The following ABHD10 variants were observed in gnomAD, a reference collection of about 807,000 sequenced individuals.
ABHD10 encodes abhydrolase domain containing 10, depalmitoylase.
ABHD10 carries 22 observed loss-of-function variants against 33.1 expected under a neutral mutation model. The observed-to-expected ratio is 0.66, with a 90% CI of 0.47 to 0.95. ABHD10 has a LOEUF of 0.95. ABHD10 is among the 40% of genes least tolerant of loss of function. ABHD10 has a pLI of 0.00. For synonymous variants in ABHD10, 146 were observed against 133.9 expected (o/e 1.09, Z -0.62); for missense variants, 352 against 379.9 (o/e 0.93, Z 0.61).
chr3:111,980,844 A>G (rs1470961991), intron 1 of ABHD10, among the ~76,000 whole-genome samples: 3 of 152,194 alleles, frequency 2.0e-5, no homozygotes, highest in African/African-American at 7.2e-5. Context: ...ACCTCAGCTG[A>G]CAATAAAATT....
At chr3:111,988,588 G>GT (rs1331723884) in intron 4 of ABHD10, among the ~76,000 whole-genome samples, 1 of 151,628 alleles carries the variant, frequency 6.6e-6, no homozygotes, top group Non-Finnish European at 1.5e-5. Context: ...ATTTGTTTTG[G>GT]TTTTGTTTTT....
Position 111,979,126 on chromosome 3 carries a change from C to A in ABHD10, c.65C>A (p.Ala22Asp). 2 of 1,613,268 alleles carry A rather than the reference C, an allele frequency of 1.2e-6. No individual in the cohort carries two copies. Among genetic ancestry groups the A allele is most frequent in the Non-Finnish European group, 8.5e-7 (1 of 1,179,834 alleles). Residue 22 changes from alanine to aspartate, a missense_variant, in exon 1 of 5, where the codon GCC becomes GAC. By Grantham distance (126) the Ala-to-Asp change is moderately radical. Coordinates refer to ENST00000273359, the MANE Select transcript of ABHD10 (RefSeq NM_018394.4). ...CCTTGTCGGAGCTGGGGCTGGGCAGCCGTCCCCTTCGGTCCCCACCGTGGC... is the reference window on the plus strand; with the variant it reads ...CCTTGTCGGAGCTGGGGCTGGGCAGACGTCCCCTTCGGTCCCCACCGTGGC... The part of the protein sequence containing the change: ...WVPCRSWGWA[A>D]VPFGPHRGLS...
intron 1 of ABHD10, among the ~76,000 whole-genome samples, chr3:111,981,082 T>G (rs1045010462): frequency 8.6e-5 from 13 of 150,368 alleles, no homozygotes; most frequent in African/African-American, 2.9e-4. Context: ...GGTGGGAGGG[T>G]CACTTGAGCC....
Position 111,991,575 on chromosome 3 carries a change from C to T in ABHD10, c.775C>T (p.Gln259Ter), listed in dbSNP as rs1236556744. 1.2e-6 allele frequency: 2 copies of T among 1,614,146 alleles called. No homozygotes were observed. Among genetic ancestry groups the T allele is most frequent in the East Asian group, 2.2e-5 (1 of 44,880 alleles). ...DDIVPWHTSM[Q>*]VADRVLSTDV... Reference sequence around the variant, plus strand: ...CATTGTACCTTGGCATACATCAATGCAGGTTGCCGATCGAGTACTCAGCAC... The same window carrying T: ...CATTGTACCTTGGCATACATCAATGTAGGTTGCCGATCGAGTACTCAGCAC... Residue 259 changes from glutamine to a stop codon, truncating the protein, a stop_gained, in exon 5 of 5, where the codon CAG (glutamine) becomes TAG (stop). Transcript: ENST00000273359. LOFTEE classifies it high-confidence loss of function.
intron 4 of ABHD10, among the ~76,000 whole-genome samples, chr3:111,988,462 C>T (rs960679971): frequency 6.6e-5 from 10 of 151,962 alleles, no homozygotes; most frequent in Non-Finnish European, 1.2e-4. Context: ...AATAATACAG[C>T]GCTTCTTGGG....
At chr3:111,985,998 G>A (rs1414172709) in intron 2 of ABHD10, among the ~76,000 whole-genome samples, 1 of 152,178 alleles carries the variant, frequency 6.6e-6, no homozygotes. Context: ...AATGCAAACA[G>A]GAGACTTTTT....
intron 1 of ABHD10, among the ~76,000 whole-genome samples, chr3:111,981,060 A>G (rs146723879): frequency 6.9e-4 from 105 of 152,128 alleles, no homozygotes; most frequent in East Asian, 1.7e-3. Context: ...AATTTCAGCA[A>G]TGGGAGGCCA....
chr3:111,983,795 A>C (rs1006097783), intron 2 of ABHD10, among the ~76,000 whole-genome samples: 1 of 152,164 alleles, frequency 6.6e-6, no homozygotes, highest in South Asian at 2.1e-4. Context: ...ATATGGTTTT[A>C]AGGCTGGTAT....
At chr3:111,983,507 T>C (rs1296449535) in intron 2 of ABHD10, among the ~76,000 whole-genome samples, 2 of 152,116 alleles carry the variant, frequency 1.3e-5, no homozygotes, top group African/African-American at 2.4e-5. Context: ...ACTACAAATA[T>C]TTAGTTTGAA....
At chr3:111,985,977 A>G (rs1328933758) in intron 2 of ABHD10, among the ~76,000 whole-genome samples, 2 of 152,168 alleles carry the variant, frequency 1.3e-5, no homozygotes, top group South Asian at 2.1e-4. Context: ...GGGAAAGACA[A>G]TGAGTGTGAA....
At chr3:111,979,794 T>G (rs1228888414) in intron 1 of ABHD10, among the ~76,000 whole-genome samples, 1 of 152,230 alleles carries the variant, frequency 6.6e-6, no homozygotes, top group African/African-American at 2.4e-5. Context: ...TCCTTTTATT[T>G]TTTTGGCTTT....
At chr3:111,986,398 T>G (rs749441134) in intron 3 of ABHD10, 23 bp downstream of exon 3, 30 of 1,485,428 alleles carry the variant, frequency 2.0e-5, no homozygotes, top group Admixed American at 5.2e-5. Flanking sequence ...TTAAGTATGA[T>G]GATAATTACT....
Position 111,992,699 on chromosome 3 carries a change from G to C in ABHD10, c.*978G>C, listed in dbSNP as rs1380708564. On this transcript the variant is annotated 3_prime_UTR_variant, in exon 5 of 5. Transcript: ENST00000273359. ...ATTTAGCTTGATTAGGTTATTATCT[G>C]TCAAACCTTTTAAGTTGACAACATG... 1 of 152,028 alleles carries C rather than the reference G, an allele frequency of 6.6e-6. No individual in the cohort carries two copies. The highest frequency in any genetic ancestry group is 1.5e-5 in the Non-Finnish European group (1 of 68,014). 9.4% of individuals were successfully genotyped at this position (152,028 alleles called of 1,614,324 possible). A position where few individuals can be genotyped will look rare whatever the true frequency, so the allele number is the denominator to read the frequency against.
intron 4 of ABHD10, among the ~76,000 whole-genome samples, chr3:111,991,038 T>C (rs185031522): frequency 6.6e-6 from 1 of 152,298 alleles, no homozygotes; most frequent in East Asian, 1.9e-4. Flanking sequence ...ATGATAAAAT[T>C]AAATAAATTT....
intron 4 of ABHD10, among the ~76,000 whole-genome samples, chr3:111,988,965 G>T (rs1429242579): frequency 1.3e-5 from 2 of 152,112 alleles, no homozygotes; most frequent in African/African-American, 4.8e-5. Context: ...TAATTGAGAA[G>T]ATTTATAATC....
chr3:111,984,400 G>A (rs186889922), intron 2 of ABHD10, among the ~76,000 whole-genome samples: 1 of 152,278 alleles, frequency 6.6e-6, no homozygotes, highest in African/African-American at 2.4e-5. Context: ...TATCAGTAAA[G>A]AAGGGAAAAT....
rs955188611 is a variant in ABHD10 at position 111,992,671 on chromosome 3, T to C, written c.*950T>C. ...TTTTATTAATTAATTTTGGCTGGAC[T>C]TTATTTAGCTTGATTAGGTTATTAT... On this transcript the variant is annotated 3_prime_UTR_variant, in exon 5 of 5. Transcript: ENST00000273359. The C allele has an allele frequency of 6.6e-6, 1 of 152,188 alleles. No individual in the cohort carries two copies. The highest frequency in any genetic ancestry group is 1.5e-5 in the Non-Finnish European group (1 of 68,026). 9.4% of individuals were successfully genotyped at this position (152,188 alleles called of 1,614,324 possible). A position where few individuals can be genotyped will look rare whatever the true frequency, so the allele number is the denominator to read the frequency against.
intron 2 of ABHD10, among the ~76,000 whole-genome samples, chr3:111,984,365 A>G (rs1257042918): frequency 6.6e-6 from 1 of 152,204 alleles, no homozygotes. Context: ...AAAAAGGTTC[A>G]TTTGAACTAG....
chr3:111,984,239 C>T (rs780314557), intron 2 of ABHD10, among the ~76,000 whole-genome samples: 1 of 152,080 alleles, frequency 6.6e-6, no homozygotes, highest in Non-Finnish European at 1.5e-5. Flanking sequence ...CACCAGTTGC[C>T]CTGTTCTATT....
Sources: allele counts gnomAD v4.1 joint callset (sites outside exome capture counted in the v4.1 genomes callset), GRCh38; gene constraint gnomAD v4.1.1; transcripts MANE v1.5; gene names NCBI Gene and HGNC (gene_info 2026-07-23, HGNC 2026-07-21).